SBF2: variants seen among roughly 807,000 people sequenced by gnomAD.
The protein encoded by SBF2 is SET binding factor 2, also known as myotubularin-related protein 13.
A neutral mutation model predicts 225.2 loss-of-function variants in SBF2; 112 were observed. That is an observed-to-expected ratio of 0.50 (90% confidence interval 0.43 to 0.58). The LOEUF (loss-of-function observed/expected upper bound fraction) is 0.58. Ranked by LOEUF, SBF2 falls within the 20% of genes least tolerant of loss-of-function variation. The probability of loss-of-function intolerance (pLI) is 0.00; values close to 1 mark genes in which losing one functional copy is unlikely to be tolerated. For synonymous variants in SBF2, 763 were observed against 773.3 expected, an observed-to-expected ratio of 0.99 and a Z score of 0.22; for missense variants, 1,996 against 2,206.2, an observed-to-expected ratio of 0.90 and a Z score of 1.91.
rs189062978 is a variant in SBF2, at chr11:9,923,160, C to T, written c.1861-27149G>A. 3.3e-4 allele frequency among the ~76,000 whole-genome samples: 50 copies of T among 152,226 alleles called. No individual in the cohort carries two copies. In the East Asian group the frequency reaches 9.3e-3, roughly 28 times the overall value. On this transcript the variant is annotated intron_variant, in intron 16 of 39. Coordinates refer to ENST00000256190, the MANE Select transcript of SBF2 (RefSeq NM_030962.4). ...CTCACTTCCTGCTCCAAAAGTGAAG[C>T]GGTACCCTTAAGGCAGGAAGCCTGT...
intron 1 of SBF2, among the ~76,000 whole-genome samples, chr11:10,300,395 G>T (rs926921401): frequency 5.3e-5 from 8 of 152,150 alleles, no homozygotes; most frequent in Non-Finnish European, 1.0e-4. Context: ...GCTGAGCACA[G>T]TGGCTCATAC....
At chr11:9,857,321 T>C (rs975256879) in intron 18 of SBF2, among the ~76,000 whole-genome samples, 24 of 152,304 alleles carry the variant, frequency 1.6e-4, no homozygotes, top group African/African-American at 5.1e-4. Flanking sequence ...GGCTCCGGGA[T>C]AGACTTCTTT....
chr11:9,823,729 C>G (rs1854909616), intron 28 of SBF2, among the ~76,000 whole-genome samples: 1 of 152,186 alleles, frequency 6.6e-6, no homozygotes, highest in Non-Finnish European at 1.5e-5. Flanking sequence ...CCTTAACTTG[C>G]TTGCCTCAGT....
At chr11:10,020,422 G>A (rs1348595885) in intron 6 of SBF2, among the ~76,000 whole-genome samples, 1 of 151,976 alleles carries the variant, frequency 6.6e-6, no homozygotes, top group East Asian at 1.9e-4. Flanking sequence ...ATCAGGGGAG[G>A]AGAAATGCAA....
At chr11:9,906,569 C>A (rs1444925033) in intron 16 of SBF2, among the ~76,000 whole-genome samples, 3 of 152,130 alleles carry the variant, frequency 2.0e-5, no homozygotes, top group Non-Finnish European at 2.9e-5. Flanking sequence ...AAATTCTTTG[C>A]AAATCACGTT....
chr11:10,170,412 C>T (rs140906748), intron 2 of SBF2, among the ~76,000 whole-genome samples: 2 of 151,968 alleles, frequency 1.3e-5, no homozygotes, highest in Admixed American at 6.6e-5. Context: ...GTTCTTGGCA[C>T]CTTTTTCAGA....
intron 1 of SBF2, among the ~76,000 whole-genome samples, chr11:10,222,923 GAGTTTC>G (rs920574496): frequency 2.6e-5 from 4 of 152,006 alleles, no homozygotes; most frequent in African/African-American, 9.7e-5. Flanking sequence ...GGCAATAAAT[GAGTTTC>G]AATAACCTTA....
At chr11:9,870,242 A>C (rs1356361634) in intron 17 of SBF2, among the ~76,000 whole-genome samples, 1 of 152,230 alleles carries the variant, frequency 6.6e-6, no homozygotes, top group Non-Finnish European at 1.5e-5. Flanking sequence ...ATGCTCATGT[A>C]TTTGAAGAAT....
rs1005670311 is a variant in SBF2 at position 9,861,891 on chromosome 11, G to C, written c.1930-3495C>G. ...GAATATGCAAAAACTAATCTAAATA[G>C]TTTGAGCAAAAGTGGGACTATATAT... On this transcript the variant is annotated intron_variant, in intron 17 of 39. Transcript: ENST00000256190. Among the ~76,000 whole-genome samples, 8 of 152,146 alleles carry C rather than the reference G, an allele frequency of 5.3e-5. No individual in the cohort carries two copies. In the East Asian group the frequency reaches 1.2e-3, roughly 22 times the overall value.
chr11:9,953,133 A>G (rs1407896603), intron 16 of SBF2, among the ~76,000 whole-genome samples: 1 of 152,228 alleles, frequency 6.6e-6, no homozygotes, highest in Non-Finnish European at 1.5e-5. Context: ...CCCATCAATC[A>G]ATGAGTGGAT....
intron 17 of SBF2, among the ~76,000 whole-genome samples, chr11:9,875,002 G>A (rs960065092): frequency 2.0e-5 from 3 of 152,198 alleles, no homozygotes; most frequent in South Asian, 2.1e-4. Context: ...ATATGCCTCT[G>A]TTACTGAGGA....
At chr11:10,199,401 T>A (rs1189809750) in intron 1 of SBF2, among the ~76,000 whole-genome samples, 1 of 151,966 alleles carries the variant, frequency 6.6e-6, no homozygotes, top group East Asian at 1.9e-4. Flanking sequence ...TGAAAACTTG[T>A]GAGATTACCA....
At chr11:10,153,626 AAT>A (rs1344139525) in intron 2 of SBF2, among the ~76,000 whole-genome samples, 3 of 152,154 alleles carry the variant, frequency 2.0e-5, no homozygotes, top group African/African-American at 4.8e-5. Context: ...TTGAAAATGT[AAT>A]GCAAATTAAC....
chr11:10,135,175 T>G (rs1954286379), intron 2 of SBF2, among the ~76,000 whole-genome samples: 1 of 152,344 alleles, frequency 6.6e-6, no homozygotes, highest in South Asian at 2.1e-4. Flanking sequence ...GCCCACACTG[T>G]ACCTTGGCCC....
Position 10,022,872 on chromosome 11 carries a change from G to C in SBF2, c.619+5580C>G, listed in dbSNP as rs1444143357. Among the ~76,000 whole-genome samples the C allele has an allele frequency of 2.0e-5, 3 of 152,128 alleles. No individual in the cohort carries two copies. In the East Asian group the frequency reaches 5.8e-4, roughly 29 times the overall value. ...TGCATTTTGGTAATTACATTCTCTT[G>C]GTGCAGTTTAATGTGTTCCTCTATT... On this transcript the variant is annotated intron_variant, in intron 6 of 39. Transcript: ENST00000256190.
intron 2 of SBF2, among the ~76,000 whole-genome samples, chr11:10,065,858 G>A (rs560569839): frequency 6.6e-5 from 10 of 152,218 alleles, no homozygotes; most frequent in Non-Finnish European, 1.0e-4. Context: ...TGAGGCAGGA[G>A]AATCCTTGAA....
chr11:10,142,554 C>G (rs1287290744), intron 2 of SBF2, among the ~76,000 whole-genome samples: 1 of 152,102 alleles, frequency 6.6e-6, no homozygotes, highest in African/African-American at 2.4e-5. Context: ...ATAATACAAC[C>G]AGCGTGAAGT....
chr11:10,293,930 T>TGGCCCCGACGCCCGG, intron 1 of SBF2, 85 bp downstream of exon 1: 1 of 1,037,330 alleles, frequency 9.6e-7, no homozygotes, highest in Non-Finnish European at 1.2e-6. Flanking sequence ...CCGACGCCCG[T>TGGCCCCGACGCCCGG]CCCCGACGCC....
At chr11:10,039,562 G>C (rs1337471811) in intron 3 of SBF2, among the ~76,000 whole-genome samples, 2 of 151,856 alleles carry the variant, frequency 1.3e-5, no homozygotes, top group Admixed American at 1.3e-4. Context: ...TAAGGTGATC[G>C]TAACAAATAA....
Sources: allele counts gnomAD v4.1 joint callset (sites outside exome capture counted in the v4.1 genomes callset), GRCh38; gene constraint gnomAD v4.1.1; transcripts MANE v1.5; gene names NCBI Gene and HGNC (gene_info 2026-07-23, HGNC 2026-07-21).